Variants in NRXN3 observed in about 807,000 individuals in gnomAD.
NRXN3 encodes neurexin III.
A neutral mutation model predicts 137.6 loss-of-function variants in NRXN3; 32 were observed. The ratio of observed to expected loss-of-function variants is 0.23; its 90% CI spans 0.18 to 0.31. The LOEUF is 0.31. NRXN3 is among the 10% of genes least tolerant of loss of function. The probability of loss-of-function intolerance (pLI) is 1.00; values close to 1 mark genes in which losing one functional copy is unlikely to be tolerated. For missense variants in NRXN3, 1,574 were observed against 2,062.5 expected (o/e 0.76, Z 4.59); for synonymous variants, 798 against 784.5 (o/e 1.02, Z -0.29).
chr14:79,428,014 G>A (rs927434667), intron 15 of NRXN3, among the ~76,000 whole-genome samples: 15 of 151,888 alleles, frequency 9.9e-5, no homozygotes, highest in African/African-American at 3.1e-4. Flanking sequence ...TGTGTGTTTC[G>A]ATCTGTGTGT....
At chr14:79,268,725 A>T (rs150955648) in intron 15 of NRXN3, among the ~76,000 whole-genome samples, 269 of 152,346 alleles carry the variant, frequency 1.8e-3, no homozygotes, top group African/African-American at 6.2e-3. Flanking sequence ...GGGTTCAAAT[A>T]CTGGCTCTGG....
At chr14:78,551,808 C>A in intron 4 of NRXN3, among the ~76,000 whole-genome samples, 1 of 152,016 alleles carries the variant, frequency 6.6e-6, no homozygotes, top group African/African-American at 2.4e-5. Context: ...CTGGAGTTCT[C>A]CCTTTTTACT....
intron 17 of NRXN3, among the ~76,000 whole-genome samples, chr14:79,688,297 G>A (rs564813354): frequency 6.6e-6 from 1 of 152,234 alleles, no homozygotes; most frequent in East Asian, 1.9e-4. Context: ...CGATCACACA[G>A]CTAATAAGTG....
chr14:78,794,859 G>C (rs1161400704), intron 8 of NRXN3, among the ~76,000 whole-genome samples: 1 of 151,880 alleles, frequency 6.6e-6, no homozygotes, highest in Non-Finnish European at 1.5e-5. Flanking sequence ...AGAATCACTT[G>C]AGTCCAGGTG....
intron 19 of NRXN3, among the ~76,000 whole-genome samples, chr14:79,746,376 G>C (rs1381157202): frequency 1.3e-5 from 2 of 152,164 alleles, no homozygotes; most frequent in Non-Finnish European, 1.5e-5. Context: ...GAGCATCTTT[G>C]AGCACTTTTT....
At chr14:78,919,541 T>G (rs1363932861) in intron 10 of NRXN3, among the ~76,000 whole-genome samples, 1 of 152,234 alleles carries the variant, frequency 6.6e-6, no homozygotes, top group Non-Finnish European at 1.5e-5. Context: ...TTTTGCTGGA[T>G]GGACACCATA....
chr14:78,895,329 T>C (rs940473942), intron 10 of NRXN3, among the ~76,000 whole-genome samples: 1 of 152,034 alleles, frequency 6.6e-6, no homozygotes, highest in Non-Finnish European at 1.5e-5. Context: ...GCTTTTATGT[T>C]ATAGAGATGA....
intron 4 of NRXN3, among the ~76,000 whole-genome samples, chr14:78,518,284 G>T (rs754327923): frequency 6.6e-6 from 1 of 152,058 alleles, no homozygotes; most frequent in Non-Finnish European, 1.5e-5. Context: ...GCTGGGTTTT[G>T]GTTTCTTAGG....
chr14:79,056,937 T>C (rs983178989), intron 15 of NRXN3, among the ~76,000 whole-genome samples: 7 of 152,248 alleles, frequency 4.6e-5, no homozygotes, highest in African/African-American at 1.7e-4. Context: ...TGGATATTTA[T>C]GTGATGCTTC....
intron 15 of NRXN3, chr14:79,074,899 C>T (rs1336442238): frequency 6.6e-6 from 1 of 152,138 alleles, no homozygotes; most frequent in African/African-American, 2.4e-5. Flanking sequence ...TTGATTTCTG[C>T]TTGGGCTAAA....
At chr14:79,531,906 C>T (rs1398433566) in intron 16 of NRXN3, among the ~76,000 whole-genome samples, 1 of 152,136 alleles carries the variant, frequency 6.6e-6, no homozygotes, top group Non-Finnish European at 1.5e-5. Flanking sequence ...ATTGAGAGTA[C>T]GTTAATCAAG....
chr14:78,839,375 C>T (rs886112307), intron 10 of NRXN3, among the ~76,000 whole-genome samples: 1 of 152,186 alleles, frequency 6.6e-6, no homozygotes, highest in African/African-American at 2.4e-5. Context: ...ATGGAGGACA[C>T]AGTCAGTCGT....
At chr14:78,883,301 C>A (rs982214358) in intron 10 of NRXN3, among the ~76,000 whole-genome samples, 5 of 152,118 alleles carry the variant, frequency 3.3e-5, no homozygotes, top group African/African-American at 1.2e-4. Flanking sequence ...AGCCCAAATT[C>A]TTTTCACCTT....
At chr14:79,655,893 A>G (rs115045079) in intron 16 of NRXN3, among the ~76,000 whole-genome samples, 72 of 152,266 alleles carry the variant, frequency 4.7e-4, no homozygotes, top group African/African-American at 1.4e-3. Context: ...TTAGCATCTG[A>G]ATCAATCACC....
intron 4 of NRXN3, among the ~76,000 whole-genome samples, chr14:78,425,951 T>C (rs944263027): frequency 6.6e-6 from 1 of 152,216 alleles, no homozygotes; most frequent in Admixed American, 6.5e-5. Context: ...CCTGGGCACC[T>C]GATTCTTGGA....
intron 10 of NRXN3, among the ~76,000 whole-genome samples, chr14:78,843,040 C>T (rs886602039): frequency 3.3e-5 from 5 of 152,058 alleles, no homozygotes; most frequent in South Asian, 2.1e-4. Flanking sequence ...TCCTCCTCAG[C>T]TTATGAAGAT....
chr14:78,546,983 G>A (rs538478788), intron 4 of NRXN3, among the ~76,000 whole-genome samples: 1 of 152,146 alleles, frequency 6.6e-6, no homozygotes, highest in South Asian at 2.1e-4. Flanking sequence ...CCTCTTATTT[G>A]TTAGGCCAGG....
chr14:79,177,397 A>G (rs1172784301), intron 15 of NRXN3, among the ~76,000 whole-genome samples: 1 of 152,190 alleles, frequency 6.6e-6, no homozygotes, highest in Non-Finnish European at 1.5e-5. Context: ...TGCCATCAGA[A>G]CTTTTATCAG....
intron 10 of NRXN3, among the ~76,000 whole-genome samples, chr14:78,881,407 T>C (rs1567599449): frequency 6.6e-6 from 1 of 151,640 alleles, no homozygotes; most frequent in Non-Finnish European, 1.5e-5. Context: ...GTTGAATGGC[T>C]TTGACCAAAA....
Sources: gnomAD v4.1 joint callset for allele counts (sites outside exome capture counted in the v4.1 genomes callset) on GRCh38, gnomAD v4.1.1 for gene constraint, MANE v1.5 for transcripts, NCBI Gene and HGNC (gene_info 2026-07-23, HGNC 2026-07-21) for gene names.